Variants in TXN observed in about 807,000 individuals in gnomAD.
TXN encodes the protein thioredoxin.
TXN carries 10 observed loss-of-function variants against 16.5 expected under a neutral mutation model. The ratio of observed to expected loss-of-function variants is 0.61; its 90% CI spans 0.37 to 1.03. The LOEUF is 1.03. Ranked by LOEUF, TXN falls within the 50% of genes least tolerant of loss-of-function variation. The probability of loss-of-function intolerance (pLI) is 0.01; values close to 1 mark genes in which losing one functional copy is unlikely to be tolerated. For synonymous variants in TXN, 35 were observed against 39.4 expected, an observed-to-expected ratio of 0.89 and a Z score of 0.42; for missense variants, 71 against 122.5, an observed-to-expected ratio of 0.58 and a Z score of 1.98.
At position 110,256,459 on chromosome 9, in the gene TXN, C is replaced by G; in HGVS notation, c.-24G>C. 1 of 1,603,400 alleles carries G rather than the reference C, an allele frequency of 6.2e-7. No individual in the cohort carries two copies. The highest frequency in any genetic ancestry group is 8.5e-7 in the Non-Finnish European group (1 of 1,175,066). On this transcript the variant is annotated 5_prime_UTR_variant, in exon 1 of 5. Transcript: ENST00000374517. The surrounding 1 kb of genome is among the most constrained non-coding windows in gnomAD (Gnocchi z 4.2). Reference sequence around the variant, plus strand: ...ATCTTGGCTGCTGGAGTCTGACGAGCGGCTGTAAGGACCGATGGAAATGGA... The same window carrying G: ...ATCTTGGCTGCTGGAGTCTGACGAGGGGCTGTAAGGACCGATGGAAATGGA...
At chr9:110,255,645 C>T (rs1837799606) in intron 1 of TXN, among the ~76,000 whole-genome samples, 1 of 152,222 alleles carries the variant, frequency 6.6e-6, no homozygotes, top group Non-Finnish European at 1.5e-5. Flanking sequence ...CGGAAACGCG[C>T]CCTGCGCCAC....
chr9:110,253,818 G>A (rs1457932738), intron 1 of TXN, among the ~76,000 whole-genome samples: 1 of 152,140 alleles, frequency 6.6e-6, no homozygotes, highest in Non-Finnish European at 1.5e-5. Flanking sequence ...TTACTAAGAA[G>A]AAATCACAAT....
In TXN at chr9:110,256,046, T is replaced by A. The variant is rs1263670413; in HGVS notation, c.24+366A>T. On this transcript the variant is annotated intron_variant, in intron 1 of 4. Coordinates refer to ENST00000374517, the MANE Select transcript of TXN (RefSeq NM_003329.4). This position sits in a 1 kb window ranked among gnomAD's most constrained non-coding sequence, Gnocchi z 4.2. ...AGTCGGGGCTGCCCGGACGGGAGGG[T>A]GCAGGAGGCGCAGCGTGGGGACTCC... is the stretch of plus-strand genomic sequence containing the variant. 6.6e-6 allele frequency among the ~76,000 whole-genome samples: 1 copy of A among 151,970 alleles called. No homozygotes were observed. Among genetic ancestry groups the A allele is most frequent in the Non-Finnish European group, 1.5e-5 (1 of 67,960 alleles).
At chr9:110,245,654 A>ATATATATATATTTT (rs1232332404) in intron 3 of TXN, among the ~76,000 whole-genome samples, 1 of 21,768 alleles carries the variant, frequency 4.6e-5, no homozygotes, top group African/African-American at 2.0e-4. Context: ...ATATATATAT[A>ATATATATATATTTT]TTTTTTTTTT....
intron 3 of TXN, 149 bp from the exon 4 acceptor site, chr9:110,244,992 T>C (rs1243499393): frequency 1.1e-5 from 6 of 531,256 alleles, no homozygotes; most frequent in Non-Finnish European, 2.1e-5. Context: ...AAAATTAATA[T>C]AATGAATATA....
In TXN at chr9:110,245,652, ATATTTTTTTT is replaced by A. The variant is rs1837647457; in HGVS notation, c.190-819_190-810del. On this transcript the variant is annotated intron_variant, in intron 3 of 4. Coordinates refer to ENST00000374517, the MANE Select transcript of TXN (RefSeq NM_003329.4). ...TATATATATATATATATATATATAT[ATATTTTTTTT>A]TTTTTTTTTTTATAGGGACAAGGTC... is the stretch of plus-strand genomic sequence containing the variant. Among the ~76,000 whole-genome samples the A allele has an allele frequency of 3.4e-4, 8 of 23,676 alleles. No individual in the cohort carries two copies. The South Asian group carries it at 0.015, about 46-fold the overall frequency. The allele number at this position is 23,676 out of a possible 152,430, so 15.5% of individuals were successfully genotyped here.
In TXN at chr9:110,249,125, CAAAAAAAAAAAAAAAAAAA is replaced by C. The variant is rs71302631; in HGVS notation, c.189+1676_189+1694del. Among the ~76,000 whole-genome samples the C allele has an allele frequency of 2.0e-4, 11 of 53,848 alleles. No individual in the cohort carries two copies. The East Asian group carries it at 3.2e-3, about 16-fold the overall frequency. 35.3% of individuals were successfully genotyped at this position (53,848 alleles called of 152,430 possible). On this transcript the variant is annotated intron_variant, in intron 3 of 4. Transcript: ENST00000374517. ...CCAGGTGACAGAGTGAACTCCATCT[CAAAAAAAAAAAAAAAAAAA>C]AAAAAAAAAAAAAAATCAAGTTGCT...
At chr9:110,255,260 G>A (rs989391735) in intron 1 of TXN, among the ~76,000 whole-genome samples, 1 of 152,194 alleles carries the variant, frequency 6.6e-6, no homozygotes, top group Admixed American at 6.5e-5. Flanking sequence ...GCGCTGGCGA[G>A]GGGTCTTCTA....
At chr9:110,255,515 C>T (rs1415089936) in intron 1 of TXN, among the ~76,000 whole-genome samples, 1 of 152,342 alleles carries the variant, frequency 6.6e-6, no homozygotes, top group East Asian at 1.9e-4. Context: ...CGCGGCTGCT[C>T]CCAGGAGGAA....
At chr9:110,247,111 TGA>T (rs922705916) in intron 3 of TXN, among the ~76,000 whole-genome samples, 1 of 151,984 alleles carries the variant, frequency 6.6e-6, no homozygotes, top group African/African-American at 2.4e-5. Flanking sequence ...TCACTTGAGG[TGA>T]GGAGTTCGAG....
intron 3 of TXN, 34 bp downstream of exon 3, chr9:110,250,786 A>G: frequency 6.6e-7 from 1 of 1,520,132 alleles, no homozygotes; most frequent in Non-Finnish European, 9.1e-7. Context: ...CAATGTGAAA[A>G]GCTCAGCAGT....
rs1395927775 is a variant in TXN at position 110,245,640 on chromosome 9, ATATATATATATATAT to A, written c.190-812_190-798del. The stretch of plus-strand genomic sequence containing the variant: ...ACACTATATATATATATATATATAT[ATATATATATATATAT>A]TTTTTTTTTTTTTTTTTTATAGGGA... On this transcript the variant is annotated intron_variant, in intron 3 of 4. Transcript: ENST00000374517. Among the ~76,000 whole-genome samples, 7 of 30,470 alleles carry A rather than the reference ATATATATATATATAT, an allele frequency of 2.3e-4. 1 individual carries two copies. The highest frequency in any genetic ancestry group is 1.0e-3 in the African/African-American group (7 of 6,932). The allele number at this position is 30,470 out of a possible 152,430, so 20.0% of individuals were successfully genotyped here.
At chr9:110,251,317 A>C (rs1325903259) in intron 2 of TXN, 41 bp downstream of exon 2, 2 of 1,502,492 alleles carry the variant, frequency 1.3e-6, no homozygotes, top group Admixed American at 3.3e-5. Flanking sequence ...CAACTCAAAA[A>C]ACACAAATCT....
chr9:110,245,602 T>TATACAC (rs200327890), intron 3 of TXN, among the ~76,000 whole-genome samples: 7,097 of 61,100 alleles, frequency 0.12, 1,010 homozygotes, highest in East Asian at 0.16. Context: ...TGTATATATA[T>TATACAC]ACACACACAC....
chr9:110,247,294 G>C (rs1325115296), intron 3 of TXN, among the ~76,000 whole-genome samples: 1 of 148,624 alleles, frequency 6.7e-6, no homozygotes, highest in Non-Finnish European at 1.5e-5. Flanking sequence ...CTGCACTCCA[G>C]CCTGGGTGAC....
In TXN at chr9:110,244,047, G is replaced by T; in HGVS notation, c.*110C>A. 1 of 464,480 alleles carries T rather than the reference G, an allele frequency of 2.2e-6. No individual in the cohort carries two copies. Among genetic ancestry groups the T allele is most frequent in the Non-Finnish European group, 3.6e-6 (1 of 277,878 alleles). The allele number at this position is 464,480 out of a possible 1,614,324, so 28.8% of individuals were successfully genotyped here. On this transcript the variant is annotated 3_prime_UTR_variant, in exon 5 of 5. Transcript: ENST00000374517. ...AAAGTGTTAGCATTAATGTTTTATTGTCACGCAGATGGCAACTGGGTTTAT... is the reference window on the plus strand; with the variant it reads ...AAAGTGTTAGCATTAATGTTTTATTTTCACGCAGATGGCAACTGGGTTTAT...
Position 110,250,864 on chromosome 9 carries a change from A to G in TXN, c.145T>C (p.Tyr49His). ...ACTTCAAGGAATATCACGTTGGAATACTTTTCAGAGAGGGACTGGAAAATT... is the reference window on the plus strand; with the variant it reads ...ACTTCAAGGAATATCACGTTGGAATGCTTTTCAGAGAGGGACTGGAAAATT... ...KPFFHSLSEK[Y>H]SNVIFLEVDV... The change falls in exon 3 of 5, where the codon TAT becomes CAT. Residue 49 changes from tyrosine to histidine, a missense_variant. Coordinates refer to ENST00000374517, the MANE Select transcript of TXN (RefSeq NM_003329.4). The G allele has an allele frequency of 6.2e-7, 1 of 1,610,792 alleles. No individual in the cohort carries two copies. The highest frequency in any genetic ancestry group is 8.5e-7 in the Non-Finnish European group (1 of 1,179,206).
At chr9:110,251,586 CA>C (rs5899890) in intron 1 of TXN, 124 bp from the exon 2 acceptor site, 943 of 56,260 alleles carry the variant, frequency 0.017, 4 homozygotes, top group African/African-American at 0.037. Flanking sequence ...ACTTTTTAGC[CA>C]AAAAAAAAAA....
chr9:110,251,276 A>T, intron 2 of TXN, 82 bp downstream of exon 2: 1 of 1,055,934 alleles, frequency 9.5e-7, no homozygotes, highest in Non-Finnish European at 1.5e-6. Context: ...AAAATCCTTT[A>T]ACTGTCTTTC....
Sources: gnomAD v4.1 joint callset for allele counts (sites outside exome capture counted in the v4.1 genomes callset) on GRCh38, gnomAD v4.1.1 for gene constraint, Gnocchi (gnomAD v3.1) non-coding constraint, MANE v1.5 for transcripts, NCBI Gene and HGNC (gene_info 2026-07-23, HGNC 2026-07-21) for gene names.